HDAC9: variants seen among roughly 807,000 people sequenced by gnomAD.
HDAC9 encodes the protein histone deacetylase 9, also known as MEF-2 interacting transcription repressor (MITR) protein.
In HDAC9, 41 loss-of-function variants were observed where a neutral mutation model predicts 139.4. The ratio of observed to expected loss-of-function variants is 0.29; its 90% CI spans 0.23 to 0.38. HDAC9 has a LOEUF of 0.38. Among genes scored for constraint, HDAC9 ranks in the 10% least tolerant of loss-of-function variants. The pLI is 1.00. For synonymous variants in HDAC9, 517 were observed against 476.2 expected, an observed-to-expected ratio of 1.09 and a Z score of -1.12; for missense variants, 1,147 against 1,297.0, an observed-to-expected ratio of 0.88 and a Z score of 1.78.
chr7:18,983,129 T>G (rs996354407), intron 25 of HDAC9, among the ~76,000 whole-genome samples: 1 of 152,172 alleles, frequency 6.6e-6, no homozygotes, highest in African/African-American at 2.4e-5. Context: ...CCAGCCCCTA[T>G]CAACCATCAT....
chr7:18,091,447 G>T (rs1188919736), intron 1 of HDAC9, among the ~76,000 whole-genome samples: 1 of 152,168 alleles, frequency 6.6e-6, no homozygotes, highest in Non-Finnish European at 1.5e-5. Flanking sequence ...AGTGATGACT[G>T]GAATTTGAAG....
intron 1 of HDAC9, among the ~76,000 whole-genome samples, chr7:18,460,417 A>G (rs1400492816): frequency 1.3e-5 from 2 of 152,096 alleles, no homozygotes; most frequent in African/African-American, 4.8e-5. Context: ...GTAAATAGCA[A>G]CTGCATTTGA....
At chr7:18,269,858 C>A (rs1294624596) in intron 2 of HDAC9, among the ~76,000 whole-genome samples, 5 of 151,960 alleles carry the variant, frequency 3.3e-5, no homozygotes, top group Non-Finnish European at 5.9e-5. Context: ...TGTTGGTGTG[C>A]CTTTTGATTC....
intron 22 of HDAC9, among the ~76,000 whole-genome samples, chr7:18,888,197 G>T (rs955999655): frequency 6.6e-6 from 1 of 152,080 alleles, no homozygotes; most frequent in Non-Finnish European, 1.5e-5. Context: ...CGAGGCAGGC[G>T]GATCACGAGG....
At chr7:18,896,801 T>A (rs1046024308) in intron 22 of HDAC9, among the ~76,000 whole-genome samples, 3 of 152,066 alleles carry the variant, frequency 2.0e-5, no homozygotes, top group African/African-American at 7.2e-5. Context: ...GTTAGAGAAC[T>A]AGCAAGAACA....
In HDAC9 at chr7:18,608,202, G is replaced by C. The variant is rs150393199; in HGVS notation, c.664+14173G>C. Among the ~76,000 whole-genome samples, 1,437 of 152,154 alleles carry C rather than the reference G, an allele frequency of 9.4e-3. 22 individuals carry two copies. Among genetic ancestry groups the C allele is most frequent in the African/African-American group, 0.032 (1,343 of 41,510 alleles). On this transcript the variant is annotated intron_variant, in intron 6 of 25. Transcript: ENST00000686413. ...AGAAAATAAATGATGAAATATTTGG[G>C]ATTGTATTTTCCTTAAATTTTCAGC...
chr7:18,674,275 A>G (rs986336057), intron 12 of HDAC9, among the ~76,000 whole-genome samples: 8 of 152,036 alleles, frequency 5.3e-5, no homozygotes, highest in South Asian at 4.1e-4. Context: ...TACTACTTCA[A>G]TTAACTTACT....
At chr7:18,820,144 A>T (rs1011780424) in intron 17 of HDAC9, among the ~76,000 whole-genome samples, 1 of 152,202 alleles carries the variant, frequency 6.6e-6, no homozygotes, top group African/African-American at 2.4e-5. Flanking sequence ...TAAATGAGAA[A>T]ATAAGAAATT....
intron 2 of HDAC9, among the ~76,000 whole-genome samples, chr7:18,550,376 A>G (rs1176749286): frequency 6.6e-6 from 1 of 152,172 alleles, no homozygotes; most frequent in Non-Finnish European, 1.5e-5. Flanking sequence ...ATTCTATGCA[A>G]TAAATATTTA....
chr7:18,370,676 C>G (rs1378712256), intron 1 of HDAC9, among the ~76,000 whole-genome samples: 2 of 152,146 alleles, frequency 1.3e-5, no homozygotes, highest in Non-Finnish European at 2.9e-5. Flanking sequence ...TTATCTAGCC[C>G]TTGCTAGCAA....
chr7:18,160,121 A>G (rs966836528), intron 1 of HDAC9, among the ~76,000 whole-genome samples: 3 of 152,234 alleles, frequency 2.0e-5, no homozygotes, highest in African/African-American at 7.2e-5. Flanking sequence ...TTGCAAATAC[A>G]CAAGTATCAA....
At chr7:18,437,357 G>C (rs1207126389) in intron 1 of HDAC9, among the ~76,000 whole-genome samples, 2 of 152,020 alleles carry the variant, frequency 1.3e-5, no homozygotes, top group Non-Finnish European at 2.9e-5. Context: ...TCAGACCCCT[G>C]AATCACCAGT....
intron 1 of HDAC9, among the ~76,000 whole-genome samples, chr7:18,428,174 C>G (rs972956500): frequency 6.6e-6 from 1 of 152,060 alleles, no homozygotes; most frequent in Non-Finnish European, 1.5e-5. Context: ...TATAAATACT[C>G]TAAGTGGGAT....
chr7:18,542,090 G>A (rs528900029), intron 2 of HDAC9, among the ~76,000 whole-genome samples: 60 of 152,268 alleles, frequency 3.9e-4, no homozygotes, highest in Non-Finnish European at 7.2e-4. Flanking sequence ...ACTCTGTGGT[G>A]ACAATCAAAA....
At chr7:18,383,962 A>G (rs1201170542) in intron 1 of HDAC9, among the ~76,000 whole-genome samples, 11 of 151,852 alleles carry the variant, frequency 7.2e-5, no homozygotes, top group Admixed American at 7.2e-4. Flanking sequence ...TCTTAAATGT[A>G]CTAGTTACAA....
intron 17 of HDAC9, among the ~76,000 whole-genome samples, chr7:18,795,071 G>A (rs192298521): frequency 6.6e-6 from 1 of 151,930 alleles, no homozygotes; most frequent in African/African-American, 2.4e-5. Flanking sequence ...ATAATTCCAT[G>A]TTTAGAAGTT....
At chr7:18,183,102 T>C (rs903870724) in intron 2 of HDAC9, among the ~76,000 whole-genome samples, 74 of 151,968 alleles carry the variant, frequency 4.9e-4, no homozygotes, top group Middle Eastern at 3.4e-3. Context: ...CTCCGCCTCC[T>C]GGGTTCACGC....
chr7:18,263,631 C>G (rs1447553082), intron 2 of HDAC9, among the ~76,000 whole-genome samples: 2 of 143,866 alleles, frequency 1.4e-5, no homozygotes, highest in Admixed American at 1.4e-4. Context: ...TTTTTTGAGA[C>G]CGAGTCTTGC....
intron 1 of HDAC9, among the ~76,000 whole-genome samples, chr7:18,420,810 A>G (rs1343087447): frequency 6.6e-6 from 1 of 152,220 alleles, no homozygotes; most frequent in Non-Finnish European, 1.5e-5. Flanking sequence ...AAGTAAAACA[A>G]AATGAAGCAA....
Sources: allele counts gnomAD v4.1 joint callset (sites outside exome capture counted in the v4.1 genomes callset), GRCh38; gene constraint gnomAD v4.1.1; transcripts MANE v1.5; gene names NCBI Gene and HGNC (gene_info 2026-07-23, HGNC 2026-07-21).